LMX1A: variants seen among roughly 807,000 people sequenced by gnomAD.
LMX1A encodes the protein LIM homeobox transcription factor 1-alpha.
A neutral mutation model predicts 49.1 loss-of-function variants in LMX1A; 15 were observed. The ratio of observed to expected loss-of-function variants is 0.31; its 90% CI spans 0.20 to 0.47. The LOEUF (loss-of-function observed/expected upper bound fraction) is 0.47. Among genes scored for constraint, LMX1A ranks in the 20% least tolerant of loss-of-function variants. The pLI is 1.00. For missense variants in LMX1A, 372 were observed against 475.8 expected, an observed-to-expected ratio of 0.78 and a Z score of 2.03; for synonymous variants, 167 against 185.7, an observed-to-expected ratio of 0.90 and a Z score of 0.82.
At chr1:165,285,023 T>C (rs921579424) in intron 3 of LMX1A, among the ~76,000 whole-genome samples, 3 of 152,232 alleles carry the variant, frequency 2.0e-5, no homozygotes, top group African/African-American at 7.2e-5. Flanking sequence ...AAGTGATTGG[T>C]GTTTGGAAGA....
chr1:165,301,252 A>G (rs908254168), intron 3 of LMX1A, among the ~76,000 whole-genome samples: 1 of 152,036 alleles, frequency 6.6e-6, no homozygotes, highest in African/African-American at 2.4e-5. Context: ...TGTTACACCC[A>G]CCTGCCTCTC....
At chr1:165,340,972 A>C (rs1656056918) in intron 3 of LMX1A, among the ~76,000 whole-genome samples, 1 of 152,068 alleles carries the variant, frequency 6.6e-6, no homozygotes. Context: ...TCATATCCTT[A>C]TTATCTCTTG....
chr1:165,205,838 G>C, intron 8 of LMX1A, 26 bp downstream of exon 8: 1 of 1,610,248 alleles, frequency 6.2e-7, no homozygotes, highest in Non-Finnish European at 8.5e-7. Flanking sequence ...TTATGAGAGG[G>C]CCCGAGGGGC....
chr1:165,279,154 C>A (rs1654063619), intron 3 of LMX1A, among the ~76,000 whole-genome samples: 1 of 152,220 alleles, frequency 6.6e-6, no homozygotes, highest in African/African-American at 2.4e-5. Flanking sequence ...GGAGCCTTTT[C>A]ACTTTGGATT....
At chr1:165,282,488 G>A (rs1654183571) in intron 3 of LMX1A, among the ~76,000 whole-genome samples, 1 of 152,066 alleles carries the variant, frequency 6.6e-6, no homozygotes, top group African/African-American at 2.4e-5. Flanking sequence ...TTTAAAATTT[G>A]TATTATTTTT....
intron 5 of LMX1A, among the ~76,000 whole-genome samples, chr1:165,211,636 A>C (rs1393526737): frequency 6.6e-6 from 1 of 152,186 alleles, no homozygotes; most frequent in Non-Finnish European, 1.5e-5. Flanking sequence ...TTATCATGCC[A>C]CTTGGGGAAA....
chr1:165,210,206 T>C (rs1341629218), intron 6 of LMX1A, among the ~76,000 whole-genome samples: 2 of 152,092 alleles, frequency 1.3e-5, no homozygotes, highest in South Asian at 2.1e-4. Flanking sequence ...ACTAAAACCA[T>C]GATGAGGGAA....
intron 6 of LMX1A, among the ~76,000 whole-genome samples, chr1:165,210,126 C>T (rs1256054398): frequency 6.6e-6 from 1 of 152,188 alleles, no homozygotes; most frequent in Non-Finnish European, 1.5e-5. Context: ...AAGATCAGGG[C>T]TCTTGAGAAA....
chr1:165,278,045 T>C (rs768119371), intron 3 of LMX1A, among the ~76,000 whole-genome samples: 9 of 152,344 alleles, frequency 5.9e-5, no homozygotes, highest in South Asian at 2.1e-4. Flanking sequence ...GGATAGGAGA[T>C]ATAAATTGTT....
intron 3 of LMX1A, among the ~76,000 whole-genome samples, chr1:165,347,176 T>A (rs1656275018): frequency 6.6e-6 from 1 of 152,182 alleles, no homozygotes; most frequent in Admixed American, 6.5e-5. Context: ...AAACAGGCCC[T>A]TCTAAGGGGG....
At chr1:165,250,218 T>G (rs1653007796) in intron 3 of LMX1A, among the ~76,000 whole-genome samples, 1 of 152,084 alleles carries the variant, frequency 6.6e-6, no homozygotes, top group Non-Finnish European at 1.5e-5. Context: ...ATCCTGCACA[T>G]GTACCCCAGA....
At chr1:165,231,496 C>T (rs1652240903) in intron 4 of LMX1A, among the ~76,000 whole-genome samples, 1 of 152,126 alleles carries the variant, frequency 6.6e-6, no homozygotes, top group South Asian at 2.1e-4. Context: ...GTTGCCCAGG[C>T]TGGTCTGGAA....
At chr1:165,229,813 G>A (rs1056560241) in intron 4 of LMX1A, among the ~76,000 whole-genome samples, 2 of 152,074 alleles carry the variant, frequency 1.3e-5, no homozygotes, top group African/African-American at 4.8e-5. Context: ...TGTTAGTGGA[G>A]GGGGGCCGTA....
At chr1:165,268,729 G>C (rs931208059) in intron 3 of LMX1A, among the ~76,000 whole-genome samples, 1 of 152,152 alleles carries the variant, frequency 6.6e-6, no homozygotes, top group East Asian at 1.9e-4. Context: ...CTGTAAAATG[G>C]GCTTAGTGAC....
At chr1:165,266,488 TTGTAAATCACAGGGAGGA>T (rs1243025344) in intron 3 of LMX1A, among the ~76,000 whole-genome samples, 2 of 151,952 alleles carry the variant, frequency 1.3e-5, no homozygotes, top group Non-Finnish European at 2.9e-5. Flanking sequence ...CAGAGAGGCC[TTGTAAATCACAGGGAGGA>T]GTTCAACTTT....
chr1:165,281,480 A>G (rs1002870087), intron 3 of LMX1A, among the ~76,000 whole-genome samples: 6 of 152,190 alleles, frequency 3.9e-5, no homozygotes, highest in Admixed American at 3.9e-4. Context: ...AAACACATTG[A>G]GCATGGAGTT....
intron 4 of LMX1A, among the ~76,000 whole-genome samples, chr1:165,225,205 C>A (rs1651990559): frequency 1.3e-5 from 2 of 152,212 alleles, no homozygotes; most frequent in African/African-American, 2.4e-5. Context: ...TCAGCCCTGG[C>A]AGACTGGGCG....
intron 3 of LMX1A, among the ~76,000 whole-genome samples, chr1:165,308,211 G>A (rs990334244): frequency 6.6e-6 from 1 of 152,164 alleles, no homozygotes; most frequent in African/African-American, 2.4e-5. Context: ...TGGACCACTG[G>A]GGAATACTCG....
chr1:165,339,415 G>A (rs1006422288), intron 3 of LMX1A, among the ~76,000 whole-genome samples: 1 of 152,216 alleles, frequency 6.6e-6, no homozygotes, highest in African/African-American at 2.4e-5. Context: ...CCTGTCTTGG[G>A]GAATTGGCCA....
Sources: gnomAD v4.1 joint callset for allele counts (sites outside exome capture counted in the v4.1 genomes callset) on GRCh38, gnomAD v4.1.1 for gene constraint, MANE v1.5 for transcripts, NCBI Gene and HGNC (gene_info 2026-07-23, HGNC 2026-07-21) for gene names.